Variants in XXYLT1 observed in about 807,000 individuals in gnomAD.
XXYLT1 encodes xyloside xylosyltransferase 1, also known as UDP-xylose:alpha-xyloside alpha-1,3-xylosyltransferase.
Under a neutral mutation model 28.9 loss-of-function variants are expected in XXYLT1, and 20 were observed. That is an observed-to-expected ratio of 0.69 (90% CI 0.49 to 1.00). XXYLT1 has a LOEUF of 1.00. XXYLT1 is among the 50% of genes least tolerant of loss of function. The pLI, the probability that XXYLT1 is intolerant of heterozygous loss-of-function variation, is 0.00. For missense variants in XXYLT1, 542 were observed against 560.1 expected, an observed-to-expected ratio of 0.97 and a Z score of 0.33; for synonymous variants, 257 against 253.8, an observed-to-expected ratio of 1.01 and a Z score of -0.12.
At chr3:195,187,318 C>T (rs1388056853) in intron 2 of XXYLT1, among the ~76,000 whole-genome samples, 1 of 152,066 alleles carries the variant, frequency 6.6e-6, no homozygotes, top group Non-Finnish European at 1.5e-5. Context: ...CCGCCTTGGC[C>T]TCCCAAAGTG....
At chr3:195,245,804 T>C (rs561192967) in intron 1 of XXYLT1, among the ~76,000 whole-genome samples, 1 of 152,200 alleles carries the variant, frequency 6.6e-6, no homozygotes, top group East Asian at 1.9e-4. Context: ...AAGAAGTGTG[T>C]GGCACCTCCA....
chr3:195,165,298 C>T (rs1337638227), intron 2 of XXYLT1, among the ~76,000 whole-genome samples: 1 of 152,136 alleles, frequency 6.6e-6, no homozygotes, highest in African/African-American at 2.4e-5. Flanking sequence ...CAGCCTCCTC[C>T]AGCCAACTAC....
intron 1 of XXYLT1, among the ~76,000 whole-genome samples, chr3:195,241,995 C>G (rs899135861): frequency 3.3e-5 from 5 of 152,232 alleles, no homozygotes; most frequent in Non-Finnish European, 7.3e-5. Context: ...GCCTGTAAGG[C>G]ACCATGAGGG....
chr3:195,180,032 G>T lies in XXYLT1; in HGVS notation c.653-23451C>A, dbSNP rs959926765. On this transcript the variant is annotated intron_variant, in intron 2 of 3. Transcript: ENST00000310380. The surrounding 1 kb of genome is among the most constrained non-coding windows in gnomAD (Gnocchi z 5.8). ...ACACTGCAGGCAGAGTCGGGCCAGG[G>T]TGCGGCTGAGTGACGGAGCGCCTGG... Among the ~76,000 whole-genome samples the T allele has an allele frequency of 2.0e-5, 3 of 152,174 alleles. No individual in the cohort carries two copies. The highest frequency in any genetic ancestry group is 7.2e-5 in the African/African-American group (3 of 41,442).
At chr3:195,142,346 T>C (rs1227191850) in intron 3 of XXYLT1, among the ~76,000 whole-genome samples, 1 of 152,166 alleles carries the variant, frequency 6.6e-6, no homozygotes, top group East Asian at 1.9e-4. Flanking sequence ...GAAAATGGAG[T>C]CTTCGGTGGC....
At chr3:195,142,828 G>T (rs1719564546) in intron 3 of XXYLT1, among the ~76,000 whole-genome samples, 1 of 152,178 alleles carries the variant, frequency 6.6e-6, no homozygotes, top group Admixed American at 6.5e-5. Context: ...GGATATACCT[G>T]CCACATCACG....
chr3:195,176,939 C>T lies in XXYLT1; in HGVS notation c.653-20358G>A, dbSNP rs997034560. On this transcript the variant is annotated intron_variant, in intron 2 of 3. Coordinates refer to ENST00000310380, the MANE Select transcript of XXYLT1 (RefSeq NM_152531.5). This position sits in a 1 kb window ranked among gnomAD's most constrained non-coding sequence, Gnocchi z 4.9. Reference sequence around the variant, plus strand: ...AGCCCCCGCCTAGGGACTAACTCCCCGGCCTGCTGCCGCTGCTGACGTCCC... The same window carrying T: ...AGCCCCCGCCTAGGGACTAACTCCCTGGCCTGCTGCCGCTGCTGACGTCCC... Among the ~76,000 whole-genome samples, 1 of 151,994 alleles carries T rather than the reference C, an allele frequency of 6.6e-6. No homozygotes were observed. The highest frequency in any genetic ancestry group is 1.5e-5 in the Non-Finnish European group (1 of 68,030).
At chr3:195,202,586 C>A (rs1722906681) in intron 2 of XXYLT1, among the ~76,000 whole-genome samples, 1 of 152,162 alleles carries the variant, frequency 6.6e-6, no homozygotes, top group African/African-American at 2.4e-5. Flanking sequence ...CTTTCTTCAG[C>A]TTTCACTGCC....
At chr3:195,130,802 G>C (rs1295472136) in intron 3 of XXYLT1, among the ~76,000 whole-genome samples, 1 of 152,234 alleles carries the variant, frequency 6.6e-6, no homozygotes, top group African/African-American at 2.4e-5. Context: ...TACAATTTCA[G>C]GGTGCAGGGA....
intron 3 of XXYLT1, among the ~76,000 whole-genome samples, chr3:195,081,362 C>T (rs189947574): frequency 6.6e-6 from 1 of 152,286 alleles, no homozygotes; most frequent in Non-Finnish European, 1.5e-5. Context: ...CCGTCTTCTC[C>T]CTCTGTCACA....
intron 3 of XXYLT1, chr3:195,152,096 G>A (rs1023447215): frequency 3.9e-5 from 6 of 152,320 alleles, no homozygotes; most frequent in African/African-American, 1.4e-4. Context: ...ACGACCGAAT[G>A]CTATTTCCTC....
At chr3:195,111,169 C>A (rs1717693315) in intron 3 of XXYLT1, among the ~76,000 whole-genome samples, 1 of 151,966 alleles carries the variant, frequency 6.6e-6, no homozygotes, top group Non-Finnish European at 1.5e-5. Context: ...TTCCTTAGCA[C>A]GCAGAAGCAA....
intron 2 of XXYLT1, among the ~76,000 whole-genome samples, chr3:195,225,710 A>G (rs1724017778): frequency 6.7e-6 from 1 of 149,946 alleles, no homozygotes; most frequent in African/African-American, 2.4e-5. Context: ...TGTAGTTCCC[A>G]TAATCCCCAC....
intron 1 of XXYLT1, among the ~76,000 whole-genome samples, chr3:195,254,514 G>T (rs999454319): frequency 2.0e-5 from 3 of 152,248 alleles, no homozygotes; most frequent in African/African-American, 7.2e-5. Context: ...GTAGGCTGCG[G>T]GATCTCTGTG....
chr3:195,237,280 T>A (rs1188043523), intron 1 of XXYLT1, among the ~76,000 whole-genome samples: 1 of 152,146 alleles, frequency 6.6e-6, no homozygotes, highest in East Asian at 1.9e-4. Context: ...TTCTCCTCTG[T>A]CTAGGCTGGT....
Position 195,262,545 on chromosome 3 carries a change from A to G in XXYLT1, c.504+8010T>C, listed in dbSNP as rs548420715. Among the ~76,000 whole-genome samples the G allele has an allele frequency of 1.7e-3, 256 of 152,358 alleles. 2 individuals are homozygous for G. The highest frequency in any genetic ancestry group is 0.017 in the South Asian group (81 of 4,828). ...ATCTTTTTAAAATATGGCCTACAGG[A>G]ACAAGGAACAGTCAGGAAGTCATGA... On this transcript the variant is annotated intron_variant, in intron 1 of 3. Transcript: ENST00000310380.
rs1159116193 is a variant in XXYLT1 at position 195,068,291 on chromosome 3, A to AGAT, written c.*1421_*1423dup. 6.6e-6 allele frequency: 1 copy of AGAT among 152,240 alleles called. No homozygotes were observed. The highest frequency in any genetic ancestry group is 2.4e-5 in the African/African-American group (1 of 41,462). The allele number at this position is 152,240 out of a possible 1,614,324, so 9.4% of individuals were successfully genotyped here. A position where few individuals can be genotyped will look rare whatever the true frequency, so the allele number is the denominator to read the frequency against. On this transcript the variant is annotated 3_prime_UTR_variant, in exon 4 of 4. Coordinates refer to ENST00000310380, the MANE Select transcript of XXYLT1 (RefSeq NM_152531.5). ...ACAACATGAATCACCATGTTCTCAA[A>AGAT]GATGATTTATTGGCTATCCTCACTC...
At chr3:195,151,216 C>G (rs1478533922) in intron 3 of XXYLT1, among the ~76,000 whole-genome samples, 1 of 152,070 alleles carries the variant, frequency 6.6e-6, no homozygotes, top group African/African-American at 2.4e-5. Flanking sequence ...GGTGGGCAGC[C>G]AGATTTAGGA....
Position 195,150,098 on chromosome 3 carries a change from G to C in XXYLT1, c.785+6351C>G, listed in dbSNP as rs1353039274. Among the ~76,000 whole-genome samples the C allele has an allele frequency of 2.0e-5, 3 of 152,182 alleles. No homozygotes were observed. The highest frequency in any genetic ancestry group is 2.0e-4 in the Admixed American group (3 of 15,282). On this transcript the variant is annotated intron_variant, in intron 3 of 3. Transcript: ENST00000310380. The surrounding 1 kb of genome is among the most constrained non-coding windows in gnomAD (Gnocchi z 4.7). The stretch of plus-strand genomic sequence containing the variant: ...AGGCTGAGGTTAAGTGACTTCCCTA[G>C]GTTCACAGAACTTATCAGTGGCCAA...
Sources: gnomAD v4.1 joint callset for allele counts (sites outside exome capture counted in the v4.1 genomes callset) on GRCh38, gnomAD v4.1.1 for gene constraint, Gnocchi (gnomAD v3.1) non-coding constraint, MANE v1.5 for transcripts, NCBI Gene and HGNC (gene_info 2026-07-23, HGNC 2026-07-21) for gene names.